FAM72C: variants seen among roughly 807,000 people sequenced by gnomAD.
FAM72C encodes protein FAM72C.
In FAM72C, 1 loss-of-function variant was observed where a neutral mutation model predicts 5.2. The observed-to-expected ratio is 0.19, with a 90% CI of 0.07 to 0.91. The LOEUF is 0.91. Among genes scored for constraint, FAM72C ranks in the 40% least tolerant of loss-of-function variants. The probability of loss-of-function intolerance (pLI) is 0.66; values close to 1 mark genes in which losing one functional copy is unlikely to be tolerated. For synonymous variants in FAM72C, 1 was observed against 21.8 expected (o/e 0.05, Z 2.66); for missense variants, 4 against 66.0 (o/e 0.06, Z 3.25).
At position 143,965,231 on chromosome 1, in the gene FAM72C, T is replaced by C. The variant is rs1202186098; in HGVS notation, c.231-252A>G. 2.9e-5 allele frequency among the ~76,000 whole-genome samples: 3 copies of C among 104,548 alleles called. 1 individual carries two copies. Among genetic ancestry groups the C allele is most frequent in the Non-Finnish European group, 5.9e-5 (3 of 50,980 alleles). 68.6% of individuals were successfully genotyped at this position (104,548 alleles called of 152,430 possible). On this transcript the variant is annotated intron_variant, in intron 2 of 3. Transcript: ENST00000584486. ...ATTATTATTATTATTATTATTATTA[T>C]TGAGACCGAGTTTTGCTCTTGTCAC...
At chr1:143,960,967 C>T (rs1307006534) in intron 3 of FAM72C, among the ~76,000 whole-genome samples, 3 of 131,480 alleles carry the variant, frequency 2.3e-5, no homozygotes, top group South Asian at 5.3e-4. Flanking sequence ...AGGCTGGTCT[C>T]GAACCCCTGA....
At chr1:143,960,765 C>A (rs1215270959) in intron 3 of FAM72C, among the ~76,000 whole-genome samples, 1 of 139,544 alleles carries the variant, frequency 7.2e-6, no homozygotes, top group Non-Finnish European at 1.6e-5. Flanking sequence ...TGCCTCAGCA[C>A]CTTAACACAA....
At chr1:143,962,253 A>G (rs1661663350) in intron 3 of FAM72C, among the ~76,000 whole-genome samples, 3 of 144,456 alleles carry the variant, frequency 2.1e-5, no homozygotes, top group Admixed American at 1.4e-4. Context: ...ACCTCAGGTG[A>G]TCTGCCCGCT....
chr1:143,962,018 CTT>C (rs1306521193), intron 3 of FAM72C, among the ~76,000 whole-genome samples: 2 of 141,466 alleles, frequency 1.4e-5, no homozygotes. Flanking sequence ...CTTTTCTTTT[CTT>C]TTTTTTTTTT....
At chr1:143,965,675 A>T (rs1468269060) in intron 2 of FAM72C, among the ~76,000 whole-genome samples, 2 of 79,706 alleles carry the variant, frequency 2.5e-5, no homozygotes, top group Non-Finnish European at 5.2e-5. Context: ...GGGTTCTTAC[A>T]TGTTCTAGTT....
At chr1:143,961,107 T>C (rs1383631183) in intron 3 of FAM72C, among the ~76,000 whole-genome samples, 1,132 of 135,552 alleles carry the variant, frequency 8.4e-3, no homozygotes, top group African/African-American at 0.029. Flanking sequence ...ACACCATAGA[T>C]ACTGGGCTTT....
chr1:143,967,534 C>A (rs1661809977), intron 2 of FAM72C, among the ~76,000 whole-genome samples: 1 of 137,536 alleles, frequency 7.3e-6, no homozygotes, highest in African/African-American at 2.7e-5. Flanking sequence ...CCAGTGACTT[C>A]ATCTAGTTTT....
Position 143,955,494 on chromosome 1 carries a change from C to A in FAM72C, c.*893G>T, listed in dbSNP as rs587596432. On this transcript the variant is annotated 3_prime_UTR_variant, in exon 4 of 4. Transcript: ENST00000584486. ...TACATAAAACCAGAATCCAACACTA[C>A]CCTACTTTCCTATTCCTTTGTGGCT... The A allele has an allele frequency of 7.0e-6, 1 of 142,692 alleles. No homozygotes were observed. The highest frequency in any genetic ancestry group is 7.1e-5 in the Admixed American group (1 of 14,156). 8.8% of individuals were successfully genotyped at this position (142,692 alleles called of 1,614,324 possible). A position where few individuals can be genotyped will look rare whatever the true frequency, so the allele number is the denominator to read the frequency against.
intron 3 of FAM72C, among the ~76,000 whole-genome samples, chr1:143,959,834 A>G (rs1661550507): frequency 7.4e-6 from 1 of 134,412 alleles, no homozygotes. Flanking sequence ...AAAATTAGAC[A>G]GGGATGGTGG....
chr1:143,955,503 C>T lies in FAM72C; in HGVS notation c.*884G>A, dbSNP rs1308284298. 1 of 143,104 alleles carries T rather than the reference C, an allele frequency of 7.0e-6. No individual in the cohort carries two copies. Among genetic ancestry groups the T allele is most frequent in the Non-Finnish European group, 1.5e-5 (1 of 65,308 alleles). The allele number at this position is 143,104 out of a possible 1,614,324, so 8.9% of individuals were successfully genotyped here. A position where few individuals can be genotyped will look rare whatever the true frequency, so the allele number is the denominator to read the frequency against. ...CCAGAATCCAACACTACCCTACTTT[C>T]CTATTCCTTTGTGGCTCTGAATGCA... On this transcript the variant is annotated 3_prime_UTR_variant, in exon 4 of 4. Coordinates refer to ENST00000584486, the MANE Select transcript of FAM72C (RefSeq NM_001287385.2).
rs1318264057 is a variant in FAM72C at position 143,967,155 on chromosome 1, G to A, written c.230+1769C>T. Among the ~76,000 whole-genome samples, 311 of 145,552 alleles carry A rather than the reference G, an allele frequency of 2.1e-3. 33 individuals are homozygous for A. Among genetic ancestry groups the A allele is most frequent in the Non-Finnish European group, 3.8e-3 (250 of 65,604 alleles). On this transcript the variant is annotated intron_variant, in intron 2 of 3. Transcript: ENST00000584486. ...TTGAGACCAGCCTGGCTAACATGGC[G>A]AAATCCCGTCTCTACTAAAAATACA...
chr1:143,962,061 C>A (rs1217043411), intron 3 of FAM72C, among the ~76,000 whole-genome samples: 6 of 140,052 alleles, frequency 4.3e-5, no homozygotes, highest in Non-Finnish European at 7.9e-5. Context: ...GTTGCCCAGG[C>A]TGGAGTGCAA....
chr1:143,965,967 T>C (rs1646949906), intron 2 of FAM72C, among the ~76,000 whole-genome samples: 1 of 118,540 alleles, frequency 8.4e-6, no homozygotes, highest in Non-Finnish European at 1.8e-5. Flanking sequence ...AGGGAATGTT[T>C]TAGCTAGTAC....
At chr1:143,960,145 C>CCTG (rs1229591363) in intron 3 of FAM72C, among the ~76,000 whole-genome samples, 4 of 94,038 alleles carry the variant, frequency 4.3e-5, no homozygotes, top group African/African-American at 1.8e-4. Flanking sequence ...GTGGCTCACA[C>CCTG]CTGTAATCCC....
At chr1:143,967,464 C>G (rs1407820078) in intron 2 of FAM72C, among the ~76,000 whole-genome samples, 1 of 128,590 alleles carries the variant, frequency 7.8e-6, no homozygotes, top group Admixed American at 8.1e-5. Context: ...GGCGACAGAG[C>G]AAAACTCCGT....
At chr1:143,966,839 C>T (rs1337769121) in intron 2 of FAM72C, among the ~76,000 whole-genome samples, 1 of 141,376 alleles carries the variant, frequency 7.1e-6, no homozygotes, top group African/African-American at 2.7e-5. Flanking sequence ...ACCAGCCTGG[C>T]CAACATGGCG....
At chr1:143,967,490 A>AG (rs1661808502) in intron 2 of FAM72C, among the ~76,000 whole-genome samples, 1 of 143,240 alleles carries the variant, frequency 7.0e-6, no homozygotes, top group East Asian at 2.0e-4. Context: ...AAAAAAAAAA[A>AG]AAAGAAAAGA....
rs1166870634 is a variant in FAM72C, at chr1:143,959,246, C to A, written c.356-2765G>T. 7.3e-5 allele frequency among the ~76,000 whole-genome samples: 10 copies of A among 136,468 alleles called. 1 individual carries two copies. In the South Asian group the frequency reaches 2.4e-3, roughly 33 times the overall value. 89.5% of individuals were successfully genotyped at this position (136,468 alleles called of 152,430 possible). Reference sequence around the variant, plus strand: ...GACCAATATTAAAAAGTAAATCAAACTTGAAAAATCTCCACCCTGTGTTTT... The same window carrying A: ...GACCAATATTAAAAAGTAAATCAAAATTGAAAAATCTCCACCCTGTGTTTT... On this transcript the variant is annotated intron_variant, in intron 3 of 3. Coordinates refer to ENST00000584486, the MANE Select transcript of FAM72C (RefSeq NM_001287385.2).
At chr1:143,967,289 C>G (rs1167023095) in intron 2 of FAM72C, among the ~76,000 whole-genome samples, 7 of 145,286 alleles carry the variant, frequency 4.8e-5, no homozygotes, top group Non-Finnish European at 9.1e-5. Flanking sequence ...AGCAGCCTGG[C>G]CAACATGGTG....
Sources: gnomAD v4.1 joint callset for allele counts (sites outside exome capture counted in the v4.1 genomes callset) on GRCh38, gnomAD v4.1.1 for gene constraint, MANE v1.5 for transcripts, NCBI Gene and HGNC (gene_info 2026-07-23, HGNC 2026-07-21) for gene names.